Variants in LMO7 observed in about 807,000 individuals in gnomAD.
LMO7 encodes LIM domain only protein 7.
A neutral mutation model predicts 206.5 loss-of-function variants in LMO7; 120 were observed. The ratio of observed to expected loss-of-function variants is 0.58; its 90% confidence interval spans 0.50 to 0.68. LMO7 has a LOEUF of 0.68. Among genes scored for constraint, LMO7 ranks in the 30% least tolerant of loss-of-function variants. The pLI is 0.00. For synonymous variants in LMO7, 706 were observed against 681.5 expected (o/e 1.04, Z -0.56); for missense variants, 1,959 against 1,957.9 (o/e 1.00, Z -0.01).
chr13:75,858,062 T>G lies in LMO7; in HGVS notation c.*119T>G. The stretch of plus-strand genomic sequence containing the variant: ...CTTTTTTTTTAAAAAAAAGAATAAC[T>G]TTTTTTGCCTCTTTAGATTACATAG... On this transcript the variant is annotated 3_prime_UTR_variant, in exon 31 of 31. Coordinates refer to ENST00000377534, the MANE Select transcript of LMO7 (RefSeq NM_001306080.2). 8.3e-7 allele frequency: 1 copy of G among 1,199,230 alleles called. No individual in the cohort carries two copies. Among genetic ancestry groups the G allele is most frequent in the Non-Finnish European group, 1.2e-6 (1 of 842,266 alleles). The allele number at this position is 1,199,230 out of a possible 1,614,324, so 74.3% of individuals were successfully genotyped here. A position where few individuals can be genotyped will look rare whatever the true frequency, so the allele number is the denominator to read the frequency against.
At chr13:75,678,353 A>G (rs1247588146) in intron 1 of LMO7, among the ~76,000 whole-genome samples, 3 of 152,206 alleles carry the variant, frequency 2.0e-5, no homozygotes, top group Admixed American at 2.0e-4. Context: ...GTGAGACGGT[A>G]TCTCATTGTG....
intron 15 of LMO7, among the ~76,000 whole-genome samples, chr13:75,827,196 C>A (rs1051566442): frequency 3.9e-5 from 6 of 152,106 alleles, no homozygotes; most frequent in African/African-American, 1.4e-4. Context: ...GCATTCAAGG[C>A]CTTAATTACT....
chr13:75,760,674 T>C, intron 3 of LMO7: 1 of 1,515,680 alleles, frequency 6.6e-7, no homozygotes, highest in East Asian at 2.5e-5. Context: ...AGGTAATGTT[T>C]AACGTGCCAG....
At chr13:75,765,640 G>A (rs2139843635) in intron 4 of LMO7, among the ~76,000 whole-genome samples, 1 of 152,164 alleles carries the variant, frequency 6.6e-6, no homozygotes, top group South Asian at 2.1e-4. Context: ...TGGCAAAAAT[G>A]TATGGTCAAA....
chr13:75,661,940 G>A (rs921849554), intron 1 of LMO7, among the ~76,000 whole-genome samples: 46 of 152,204 alleles, frequency 3.0e-4, no homozygotes, highest in African/African-American at 1.0e-3. Context: ...TAAATTATAA[G>A]TGTTTTGTAT....
chr13:75,643,247 T>G (rs1274142682), intron 1 of LMO7, among the ~76,000 whole-genome samples: 1 of 152,228 alleles, frequency 6.6e-6, no homozygotes, highest in Non-Finnish European at 1.5e-5. Context: ...CTCTTCCTGT[T>G]AAGACTGGTT....
chr13:75,664,090 A>AT (rs901524373), intron 1 of LMO7, among the ~76,000 whole-genome samples: 1 of 151,900 alleles, frequency 6.6e-6, no homozygotes, highest in East Asian at 1.9e-4. Context: ...CCTTCTTTTG[A>AT]TTTTTTTGTA....
chr13:75,699,019 T>G (rs745854332), intron 1 of LMO7, among the ~76,000 whole-genome samples: 83 of 152,164 alleles, frequency 5.5e-4, no homozygotes, highest in Non-Finnish European at 5.1e-4. Context: ...TTTTTGTTCC[T>G]AGGATTACCT....
chr13:75,778,504 T>C (rs1376267540), intron 4 of LMO7, among the ~76,000 whole-genome samples: 1 of 152,228 alleles, frequency 6.6e-6, no homozygotes, highest in Non-Finnish European at 1.5e-5. Flanking sequence ...AATGCTGGGA[T>C]TACAGGCGTG....
In LMO7 at chr13:75,854,484, A is replaced by AG. The variant is rs374796257; in HGVS notation, c.4662-773dup. On this transcript the variant is annotated intron_variant, in intron 28 of 30. Transcript: ENST00000377534. The stretch of plus-strand genomic sequence containing the variant: ...GGAGAGACCCACTCTGGGAGAGCAG[A>AG]GGGAGGGGCTGAGGGCTTTTCTGAC... Among the ~76,000 whole-genome samples, 418 of 152,090 alleles carry AG rather than the reference A, an allele frequency of 2.7e-3. 5 individuals carry two copies. Among genetic ancestry groups the AG allele is most frequent in the African/African-American group, 9.7e-3 (402 of 41,464 alleles).
In LMO7 at chr13:75,848,431, T is replaced by TCATCTATCTATCTATCTATC. The variant is rs1555348051; in HGVS notation, c.4151-648_4151-647insCATCTATCTATCTATCTATC. Among the ~76,000 whole-genome samples the TCATCTATCTATCTATCTATC allele has an allele frequency of 3.2e-3, 489 of 150,638 alleles. 2 individuals carry two copies. Among genetic ancestry groups the TCATCTATCTATCTATCTATC allele is most frequent in the Middle Eastern group, 6.8e-3 (2 of 292 alleles). The stretch of plus-strand genomic sequence containing the variant: ...TATGGCTGAGTAGTATTCCATGCGA[T>TCATCTATCTATCTATCTATC]TATCTATCTATCTATCTATCTATCT... On this transcript the variant is annotated intron_variant, in intron 26 of 30. Coordinates refer to ENST00000377534, the MANE Select transcript of LMO7 (RefSeq NM_001306080.2).
intron 1 of LMO7, among the ~76,000 whole-genome samples, chr13:75,650,982 T>C (rs1049776252): frequency 3.3e-5 from 5 of 152,204 alleles, no homozygotes; most frequent in African/African-American, 1.2e-4. Flanking sequence ...ATAGTTTCCA[T>C]GAAGAAAAGA....
chr13:75,621,775 G>A (rs747438785), exon 1 of LMO7: 15 of 1,612,850 alleles, frequency 9.3e-6, no homozygotes, highest in African/African-American at 4.0e-5. Context: ...AACAGAGCTC[G>A]GAGCTCTGGA....
At chr13:75,748,815 C>CTTTCT (rs1555307981) in intron 3 of LMO7, among the ~76,000 whole-genome samples, 1,954 of 143,054 alleles carry the variant, frequency 0.014, 27 homozygotes, top group Middle Eastern at 0.038. Context: ...TTCTTTCTTT[C>CTTTCT]TTTTTTTTTT....
intron 3 of LMO7, among the ~76,000 whole-genome samples, chr13:75,737,842 CAA>C (rs768622923): frequency 3.6e-3 from 137 of 37,716 alleles, no homozygotes; most frequent in Non-Finnish European, 5.0e-3. Flanking sequence ...AGGAAGCTGC[CAA>C]AAAAAAAAAA....
chr13:75,723,083 T>C (rs2044160188), intron 2 of LMO7, among the ~76,000 whole-genome samples: 2 of 152,040 alleles, frequency 1.3e-5, no homozygotes. Flanking sequence ...CCTCAAGTGA[T>C]GAGTGCACCA....
At chr13:75,679,367 C>T (rs1193834435) in intron 1 of LMO7, among the ~76,000 whole-genome samples, 1 of 152,170 alleles carries the variant, frequency 6.6e-6, no homozygotes, top group Non-Finnish European at 1.5e-5. Context: ...CCAGAAGGTG[C>T]CTATACTTCT....
chr13:75,745,999 C>T (rs1253610794), intron 3 of LMO7, among the ~76,000 whole-genome samples: 2 of 152,116 alleles, frequency 1.3e-5, no homozygotes, highest in Admixed American at 6.5e-5. Context: ...TCCTCTTTCT[C>T]CTGAGAACCA....
chr13:75,686,357 T>C lies in LMO7; in HGVS notation c.70-26825T>C, dbSNP rs536329574. ...CTCTTTATAAAATGATCAGATCTCGTGAGACTTAATCATCATCACGAGAAC... is the reference window on the plus strand; with the variant it reads ...CTCTTTATAAAATGATCAGATCTCGCGAGACTTAATCATCATCACGAGAAC... On this transcript the variant is annotated intron_variant, in intron 1 of 30. Transcript: ENST00000377534. Among the ~76,000 whole-genome samples, 287 of 152,120 alleles carry C rather than the reference T, an allele frequency of 1.9e-3. 2 individuals are homozygous for C. The highest frequency in any genetic ancestry group is 6.6e-3 in the African/African-American group (274 of 41,510).
Sources: allele counts gnomAD v4.1 joint callset (sites outside exome capture counted in the v4.1 genomes callset), GRCh38; gene constraint gnomAD v4.1.1; transcripts MANE v1.5; gene names NCBI Gene and HGNC (gene_info 2026-07-23, HGNC 2026-07-21).